The following SLCO3A1 variants were observed in gnomAD, a reference collection of about 807,000 sequenced individuals.
The protein encoded by SLCO3A1 is PGE1 transporter.
SLCO3A1 carries 27 observed loss-of-function variants against 63.1 expected under a neutral mutation model. The observed-to-expected ratio is 0.43, with a 90% CI of 0.32 to 0.59. The LOEUF (loss-of-function observed/expected upper bound fraction) is 0.59, where lower values mean the gene tolerates loss of function less well. Among genes scored for constraint, SLCO3A1 ranks in the 20% least tolerant of loss-of-function variants. The pLI, the probability that SLCO3A1 is intolerant of heterozygous loss-of-function variation, is 0.09. For missense variants in SLCO3A1, 773 were observed against 945.8 expected (o/e 0.82, Z 2.40); for synonymous variants, 473 against 409.9 (o/e 1.15, Z -1.86).
chr15:92,144,906 A>G (rs1029838514), intron 7 of SLCO3A1, among the ~76,000 whole-genome samples: 1 of 152,218 alleles, frequency 6.6e-6, no homozygotes, highest in African/African-American at 2.4e-5. Context: ...GATGTGATCA[A>G]ATGCAGAGAT....
chr15:91,959,643 G>A (rs1244580779), intron 2 of SLCO3A1, among the ~76,000 whole-genome samples: 1 of 145,594 alleles, frequency 6.9e-6, no homozygotes, highest in Non-Finnish European at 1.5e-5. Context: ...AGAATCGCTT[G>A]AACCTGGGAG....
chr15:92,134,095 C>T (rs566716943), intron 7 of SLCO3A1, among the ~76,000 whole-genome samples: 46 of 152,316 alleles, frequency 3.0e-4, no homozygotes, highest in Non-Finnish European at 5.0e-4. Context: ...AACTGAGAAG[C>T]GCTGGCCTTT....
intron 2 of SLCO3A1, among the ~76,000 whole-genome samples, chr15:92,007,022 CATATT>C (rs1351061812): frequency 1.3e-5 from 2 of 152,166 alleles, no homozygotes; most frequent in African/African-American, 2.4e-5. Flanking sequence ...CCTGGAATGT[CATATT>C]ATACCGATTT....
At chr15:92,007,723 A>G (rs983041645) in intron 2 of SLCO3A1, among the ~76,000 whole-genome samples, 22 of 152,184 alleles carry the variant, frequency 1.4e-4, no homozygotes, top group African/African-American at 4.6e-4. Context: ...AAAGTAGTAT[A>G]CTTCTTTTTC....
chr15:92,018,783 G>A (rs2046470200), intron 2 of SLCO3A1, among the ~76,000 whole-genome samples: 1 of 152,138 alleles, frequency 6.6e-6, no homozygotes, highest in African/African-American at 2.4e-5. Context: ...ATGTCCCCCA[G>A]TGTGTTCCCC....
At position 91,931,792 on chromosome 15, in the gene SLCO3A1, C is replaced by CACACACAT. The variant is rs751292213; in HGVS notation, c.646+15341_646+15342insTACACACA. On this transcript the variant is annotated intron_variant, in intron 2 of 9. Transcript: ENST00000318445. ...GGCTGGTGTCTTAAGTGTGGAAACA[C>CACACACAT]ACACACACGCACACACACACACACA... is the stretch of plus-strand genomic sequence containing the variant. Among the ~76,000 whole-genome samples, 94 of 150,108 alleles carry CACACACAT rather than the reference C, an allele frequency of 6.3e-4. 2 individuals carry two copies. Among genetic ancestry groups the CACACACAT allele is most frequent in the Non-Finnish European group, 1.2e-3 (78 of 67,682 alleles).
chr15:92,011,785 C>T (rs2046371705), intron 2 of SLCO3A1, among the ~76,000 whole-genome samples: 1 of 152,244 alleles, frequency 6.6e-6, no homozygotes, highest in African/African-American at 2.4e-5. Flanking sequence ...AGTCACAGCC[C>T]AGGACCTGAC....
chr15:91,910,014 C>G (rs555585662), intron 1 of SLCO3A1, among the ~76,000 whole-genome samples: 46 of 152,186 alleles, frequency 3.0e-4, no homozygotes, highest in Non-Finnish European at 5.7e-4. Context: ...AAGAACCTCC[C>G]TTCGCTCCCC....
chr15:91,945,862 G>A (rs1899788796), intron 2 of SLCO3A1, among the ~76,000 whole-genome samples: 1 of 152,218 alleles, frequency 6.6e-6, no homozygotes, highest in Non-Finnish European at 1.5e-5. Flanking sequence ...GATTTTCAAG[G>A]CAGAATTGAG....
In SLCO3A1 at chr15:91,883,360, G is replaced by T. The variant is rs1202189353; in HGVS notation, c.180+29272G>T. 6.6e-6 allele frequency among the ~76,000 whole-genome samples: 1 copy of T among 152,158 alleles called. No homozygotes were observed. The highest frequency in any genetic ancestry group is 1.9e-4 in the East Asian group (1 of 5,192). On this transcript the variant is annotated intron_variant, in intron 1 of 9. Coordinates refer to ENST00000318445, the MANE Select transcript of SLCO3A1 (RefSeq NM_013272.4). The surrounding 1 kb of genome is among the most constrained non-coding windows in gnomAD (Gnocchi z 4.8). ...ACTCCATCAGCTGAGGTACCACAGG[G>T]GATGCCAGAGACCTGAGGCTTCTTG...
chr15:91,967,782 C>T lies in SLCO3A1; in HGVS notation c.646+51324C>T, dbSNP rs969531309. ...CAAACAGCCTACTTTTGGGGAACCA[C>T]GAGGACGTAGTGGCAGGACTAAAGG... On this transcript the variant is annotated intron_variant, in intron 2 of 9. Transcript: ENST00000318445. The surrounding 1 kb of genome is among the most constrained non-coding windows in gnomAD (Gnocchi z 4.4). Among the ~76,000 whole-genome samples the T allele has an allele frequency of 7.9e-5, 12 of 152,288 alleles. No homozygotes were observed. The highest frequency in any genetic ancestry group is 6.8e-3 in the Middle Eastern group (2 of 294).
chr15:92,150,814 A>C, intron 8 of SLCO3A1, 136 bp from the exon 9 acceptor site: 1 of 552,982 alleles, frequency 1.8e-6, no homozygotes. Flanking sequence ...ACTATTAGTA[A>C]TTTTAAAAAA....
chr15:91,965,119 A>C (rs2151424381), intron 2 of SLCO3A1, among the ~76,000 whole-genome samples: 1 of 151,626 alleles, frequency 6.6e-6, no homozygotes, highest in East Asian at 1.9e-4. Flanking sequence ...TAGGGTTTTT[A>C]GAATCTGTTG....
intron 6 of SLCO3A1, 91 bp from the exon 7 acceptor site, chr15:92,128,260 C>T (rs575102173): frequency 2.7e-6 from 4 of 1,489,216 alleles, no homozygotes; most frequent in South Asian, 1.2e-5. Context: ...CCACGCGACT[C>T]ATCACAACAG....
chr15:92,059,420 C>G (rs1441221014), intron 2 of SLCO3A1, among the ~76,000 whole-genome samples: 2 of 152,210 alleles, frequency 1.3e-5, no homozygotes, highest in African/African-American at 2.4e-5. Flanking sequence ...GGTCCATCCT[C>G]AGGAGTGTCA....
chr15:92,146,354 C>G (rs947818360), intron 7 of SLCO3A1, among the ~76,000 whole-genome samples: 1 of 152,216 alleles, frequency 6.6e-6, no homozygotes, highest in Non-Finnish European at 1.5e-5. Flanking sequence ...ATAAATGTAT[C>G]TATCTTGTTG....
At chr15:91,959,966 G>C (rs905345502) in intron 2 of SLCO3A1, among the ~76,000 whole-genome samples, 46 of 151,962 alleles carry the variant, frequency 3.0e-4, no homozygotes, top group African/African-American at 1.1e-3. Flanking sequence ...CACGTAAACA[G>C]AATCATACAA....
rs1465863625 is a variant in SLCO3A1 at position 91,872,194 on chromosome 15, A to T, written c.180+18106A>T. ...CAAATCCCATGCAGTAGATGTCATT[A>T]TTTCTCTTTTCCGTATAAGGAAATA... On this transcript the variant is annotated intron_variant, in intron 1 of 9. Transcript: ENST00000318445. The surrounding 1 kb of genome is among the most constrained non-coding windows in gnomAD (Gnocchi z 4.1). 6.6e-6 allele frequency among the ~76,000 whole-genome samples: 1 copy of T among 152,112 alleles called. No individual in the cohort carries two copies. Among genetic ancestry groups the T allele is most frequent in the Non-Finnish European group, 1.5e-5 (1 of 68,014 alleles).
intron 1 of SLCO3A1, among the ~76,000 whole-genome samples, chr15:91,896,303 C>T (rs1277319411): frequency 6.6e-6 from 1 of 152,180 alleles, no homozygotes; most frequent in Non-Finnish European, 1.5e-5. Flanking sequence ...ATGGCCCCAT[C>T]ACAAAGCTGA....
Sources: allele counts gnomAD v4.1 joint callset (sites outside exome capture counted in the v4.1 genomes callset), GRCh38; gene constraint gnomAD v4.1.1; non-coding constraint Gnocchi (gnomAD v3.1); transcripts MANE v1.5; gene names NCBI Gene and HGNC (gene_info 2026-07-23, HGNC 2026-07-21).